The following ABCD2 variants were observed in gnomAD, a reference collection of about 807,000 sequenced individuals.
ABCD2 encodes ATP binding cassette subfamily D member 2, also known as ATP-binding cassette sub-family D member 2.
In ABCD2, 36 loss-of-function variants were observed where a neutral mutation model predicts 70.9. The observed-to-expected ratio is 0.51, with a 90% CI of 0.39 to 0.67. The LOEUF is 0.67. Ranked by LOEUF, ABCD2 falls within the 30% of genes least tolerant of loss-of-function variation. The pLI is 0.00. For synonymous variants in ABCD2, 304 were observed against 306.9 expected, an observed-to-expected ratio of 0.99 and a Z score of 0.10; for missense variants, 729 against 890.2, an observed-to-expected ratio of 0.82 and a Z score of 2.30.
chr12:39,599,949 GAATATT>G (rs1050551826), intron 6 of ABCD2, among the ~76,000 whole-genome samples: 1 of 152,092 alleles, frequency 6.6e-6, no homozygotes, highest in African/African-American at 2.4e-5. Flanking sequence ...TATCCACAAT[GAATATT>G]ACAAATTCTT....
At chr12:39,543,242 C>A in the ABCD2 span, among the ~76,000 whole-genome samples, 1 of 152,178 alleles carries the variant, frequency 6.6e-6, no homozygotes, top group Admixed American at 6.5e-5. Flanking sequence ...TTCCTGAGAA[C>A]ATGGAAATTC....
At position 39,600,701 on chromosome 12, in the gene ABCD2, G is replaced by A. The variant is rs766051640; in HGVS notation, c.1516C>T (p.His506Tyr). The change falls in exon 6 of 10, where the codon CAT becomes TAT. Residue 506 changes from histidine to tyrosine, a missense_variant. Transcript: ENST00000308666. ...CCATTGGGACCAGTTATCAAAAGAT[G>A]CATTCCTTCTTCTACCTAAAGTAAG... The part of the protein sequence containing the change: ...RLNFKVEEGM[H>Y]LLITGPNGCG... 1 of 1,608,426 alleles carries A rather than the reference G, an allele frequency of 6.2e-7. No individual in the cohort carries two copies. Among genetic ancestry groups the A allele is most frequent in the South Asian group, 1.1e-5 (1 of 89,666 alleles).
the ABCD2 span, among the ~76,000 whole-genome samples, chr12:39,540,104 C>A: frequency 3.3e-5 from 5 of 152,310 alleles, no homozygotes; most frequent in Non-Finnish European, 5.9e-5. Context: ...TAACAGCCGG[C>A]CATCCAGCAA....
the ABCD2 span, among the ~76,000 whole-genome samples, chr12:39,537,215 T>A: frequency 6.6e-6 from 1 of 152,150 alleles, no homozygotes; most frequent in East Asian, 1.9e-4. Flanking sequence ...GGTAGACACC[T>A]AAAATTAAAC....
intron 6 of ABCD2, among the ~76,000 whole-genome samples, chr12:39,589,845 T>C (rs578075128): frequency 1.3e-5 from 2 of 152,316 alleles, no homozygotes; most frequent in East Asian, 3.9e-4. Flanking sequence ...TAAAGTTCAA[T>C]TTTTTGTCAA....
intron 9 of ABCD2, among the ~76,000 whole-genome samples, chr12:39,570,339 T>C (rs1388043768): frequency 2.6e-5 from 4 of 152,182 alleles, no homozygotes; most frequent in Non-Finnish European, 5.9e-5. Flanking sequence ...CAAAATATAC[T>C]ACCAAACTGT....
Position 39,579,515 on chromosome 12 carries a change from C to A in ABCD2, c.1877+20G>T. The A allele has an allele frequency of 6.3e-7, 1 of 1,587,682 alleles. No individual in the cohort carries two copies. Among genetic ancestry groups the A allele is most frequent in the Non-Finnish European group, 8.6e-7 (1 of 1,157,632 alleles). ...GGTTACAACAATGGCCTAGTAGTTA[C>A]CTGAATTTAGTATACTTACTTATGA... On this transcript the variant is annotated intron_variant, in intron 8 of 9. Coordinates refer to ENST00000308666, the MANE Select transcript of ABCD2 (RefSeq NM_005164.4).
chr12:39,601,871 T>C (rs558875462), intron 5 of ABCD2, among the ~76,000 whole-genome samples: 34 of 152,186 alleles, frequency 2.2e-4, no homozygotes, highest in African/African-American at 7.7e-4. Context: ...AGGGTTTAAT[T>C]TTGTAGAAGC....
In ABCD2 at chr12:39,551,013, A is replaced by G. The variant is rs1941080364; in HGVS notation, c.*2899T>C. 6.6e-6 allele frequency: 1 copy of G among 151,728 alleles called. No individual in the cohort carries two copies. Among genetic ancestry groups the G allele is most frequent in the Admixed American group, 6.6e-5 (1 of 15,206 alleles). The allele number at this position is 151,728 out of a possible 1,614,324, so 9.4% of individuals were successfully genotyped here. On this transcript the variant is annotated 3_prime_UTR_variant, in exon 10 of 10. Transcript: ENST00000308666. ...TTACTGACAGACCAAAACTTGAGAC[A>G]AAAACCAAATTTCTATCAAGAGAAA...
the ABCD2 span, among the ~76,000 whole-genome samples, chr12:39,538,802 A>G: frequency 6.6e-6 from 1 of 152,018 alleles, no homozygotes; most frequent in African/African-American, 2.4e-5. Flanking sequence ...GAAGACACCT[A>G]CCCTGGCCGG....
At chr12:39,600,464 C>T in intron 6 of ABCD2, 107 bp downstream of exon 6, 2 of 1,107,646 alleles carry the variant, frequency 1.8e-6, no homozygotes, top group Non-Finnish European at 2.5e-6. Context: ...AATAGTTTCT[C>T]TTAATAAAAA....
At chr12:39,607,863 A>T in intron 2 of ABCD2, 149 bp from the exon 3 acceptor site, 1 of 638,796 alleles carries the variant, frequency 1.6e-6, no homozygotes, top group Non-Finnish European at 2.7e-6. Flanking sequence ...AAATATAATG[A>T]ATCATTGAAA....
At chr12:39,545,285 G>C (rs1037781614), downstream of ABCD2, among the ~76,000 whole-genome samples, 2 of 152,112 alleles carry the variant, frequency 1.3e-5, no homozygotes, top group African/African-American at 4.8e-5. Flanking sequence ...TGTTCCATGA[G>C]GAATCTCAGG....
chr12:39,612,214 T>A (rs1161314249), intron 2 of ABCD2, among the ~76,000 whole-genome samples: 2 of 152,174 alleles, frequency 1.3e-5, no homozygotes, highest in East Asian at 3.8e-4. Context: ...AATCTAGCAG[T>A]TTTACTTCTA....
chr12:39,561,552 G>A (rs1941259281), intron 9 of ABCD2, among the ~76,000 whole-genome samples: 1 of 152,116 alleles, frequency 6.6e-6, no homozygotes, highest in Non-Finnish European at 1.5e-5. Flanking sequence ...ATCAGGAGTA[G>A]CTATACTAAT....
intron 3 of ABCD2, among the ~76,000 whole-genome samples, chr12:39,605,673 C>T (rs1467939649): frequency 3.3e-5 from 5 of 152,000 alleles, no homozygotes. Context: ...AAGAGAACAC[C>T]TTGCTATCAG....
At chr12:39,589,327 T>C (rs1041226424) in intron 6 of ABCD2, among the ~76,000 whole-genome samples, 2 of 151,796 alleles carry the variant, frequency 1.3e-5, no homozygotes, top group South Asian at 2.1e-4. Context: ...ATGTGTATGT[T>C]CATATAAGAA....
chr12:39,596,716 C>A (rs1018569878), intron 6 of ABCD2, among the ~76,000 whole-genome samples: 1 of 152,012 alleles, frequency 6.6e-6, no homozygotes, highest in African/African-American at 2.4e-5. Context: ...AAGAAAATTA[C>A]GATTAAAATT....
intron 9 of ABCD2, among the ~76,000 whole-genome samples, chr12:39,568,426 G>A (rs1361122609): frequency 6.6e-6 from 1 of 152,108 alleles, no homozygotes; most frequent in Non-Finnish European, 1.5e-5. Flanking sequence ...ATCGGCTACT[G>A]AGGCTTGTGC....
Sources: gnomAD v4.1 joint callset for allele counts (sites outside exome capture counted in the v4.1 genomes callset) on GRCh38, gnomAD v4.1.1 for gene constraint, MANE v1.5 for transcripts, NCBI Gene and HGNC (gene_info 2026-07-23, HGNC 2026-07-21) for gene names.